Variants in STARD13 observed in about 807,000 individuals in gnomAD.
STARD13 encodes the protein stAR-related lipid transfer protein 13.
In STARD13, 62 loss-of-function variants were observed where a neutral mutation model predicts 106.4. The observed-to-expected ratio is 0.58, with a 90% confidence interval of 0.48 to 0.72. The LOEUF (loss-of-function observed/expected upper bound fraction) is 0.72, where lower values mean the gene tolerates loss of function less well. Among genes scored for constraint, STARD13 ranks in the 30% least tolerant of loss-of-function variants. STARD13 has a pLI of 0.00. For synonymous variants in STARD13, 565 were observed against 553.0 expected, an observed-to-expected ratio of 1.02 and a Z score of -0.31; for missense variants, 1,387 against 1,424.0, an observed-to-expected ratio of 0.97 and a Z score of 0.42.
At chr13:33,459,822 C>T in the STARD13 span, among the ~76,000 whole-genome samples, 1 of 151,978 alleles carries the variant, frequency 6.6e-6, no homozygotes, top group Non-Finnish European at 1.5e-5. Context: ...TATATTTTTT[C>T]TGGATATAGA....
the STARD13 span, among the ~76,000 whole-genome samples, chr13:33,545,012 A>G: frequency 2.0e-5 from 3 of 151,586 alleles, no homozygotes; most frequent in East Asian, 3.9e-4. Context: ...CTGGGGTGCA[A>G]TGGTGCGATC....
chr13:33,349,718 G>T lies in STARD13; in HGVS notation c.125-502C>A, dbSNP rs527242484. 3.5e-4 allele frequency among the ~76,000 whole-genome samples: 53 copies of T among 152,304 alleles called. 2 individuals carry two copies. In the South Asian group the frequency reaches 0.011, roughly 31 times the overall value. On this transcript the variant is annotated intron_variant, in intron 1 of 1. Transcript: ENST00000439831. ...GAAAGCCTGCTTTCACAGCTGGCAG[G>T]GCCTGCGGACAGCCAGCCAGCTACC... is the stretch of plus-strand genomic sequence containing the variant.
At chr13:33,674,062 G>A in the STARD13 span, among the ~76,000 whole-genome samples, 4 of 151,972 alleles carry the variant, frequency 2.6e-5, no homozygotes, top group Admixed American at 2.0e-4. Context: ...GTTTCACCAT[G>A]TTGGCCAGGC....
At chr13:33,128,607 G>A (rs975762984) in intron 5 of STARD13, among the ~76,000 whole-genome samples, 1 of 152,134 alleles carries the variant, frequency 6.6e-6, no homozygotes, top group African/African-American at 2.4e-5. Context: ...CGGTGCCTAG[G>A]AACTGGGTAT....
chr13:33,200,583 C>T (rs1184760476), intron 1 of STARD13, among the ~76,000 whole-genome samples: 1 of 152,196 alleles, frequency 6.6e-6, no homozygotes, highest in Non-Finnish European at 1.5e-5. Context: ...GGGGGACTTA[C>T]CCATATATGT....
chr13:33,439,822 T>C, the STARD13 span: 206,607 of 512,772 alleles, frequency 0.4, 43,094 homozygotes, highest in African/African-American at 0.66. Flanking sequence ...AAAATTAGAA[T>C]CAAATGGCCT....
chr13:33,481,242 AT>A, the STARD13 span, among the ~76,000 whole-genome samples: 2 of 152,222 alleles, frequency 1.3e-5, no homozygotes, highest in African/African-American at 4.8e-5. Flanking sequence ...TTAATAGAAT[AT>A]ACTAATGATT....
At chr13:33,523,812 T>A in the STARD13 span, among the ~76,000 whole-genome samples, 1 of 152,134 alleles carries the variant, frequency 6.6e-6, no homozygotes, top group Non-Finnish European at 1.5e-5. Context: ...GTTTTCTAGA[T>A]GTGATTCCCA....
intron 3 of STARD13, among the ~76,000 whole-genome samples, chr13:33,145,341 T>G (rs1880382667): frequency 1.3e-5 from 2 of 152,194 alleles, no homozygotes; most frequent in Admixed American, 6.5e-5. Flanking sequence ...GTAAAAACGC[T>G]GACAACATTA....
intron 1 of STARD13, among the ~76,000 whole-genome samples, chr13:33,228,318 T>C (rs1045524709): frequency 6.6e-6 from 1 of 152,206 alleles, no homozygotes; most frequent in African/African-American, 2.4e-5. Flanking sequence ...TTTTCAACTC[T>C]TTTGAGAAGA....
At position 33,218,508 on chromosome 13, in the gene STARD13, T is replaced by C. The variant is rs150204831; in HGVS notation, c.170-50886A>G. 1.3e-3 allele frequency among the ~76,000 whole-genome samples: 197 copies of C among 152,328 alleles called. 1 individual carries two copies. Among genetic ancestry groups the C allele is most frequent in the Non-Finnish European group, 2.2e-3 (148 of 68,040 alleles). On this transcript the variant is annotated intron_variant, in intron 1 of 13. Transcript: ENST00000336934. ...AGTCTCTCCTTCAGCCTCTTGAACC[T>C]GGTGCCATCTCTACTGAAGTGAATA...
At chr13:33,555,284 A>G in the STARD13 span, among the ~76,000 whole-genome samples, 3 of 152,272 alleles carry the variant, frequency 2.0e-5, no homozygotes, top group African/African-American at 7.2e-5. Context: ...CATGTCTGCT[A>G]TTTCTCTAAC....
At chr13:33,365,769 G>T in the STARD13 span, among the ~76,000 whole-genome samples, 1 of 152,104 alleles carries the variant, frequency 6.6e-6, no homozygotes, top group Admixed American at 6.5e-5. Context: ...AAAACATTTT[G>T]CTCGGATTGT....
At chr13:33,163,645 TATATATATAAAACATATATATATAAC>T (rs1566038621) in intron 3 of STARD13, among the ~76,000 whole-genome samples, 869 of 63,894 alleles carry the variant, frequency 0.014, 10 homozygotes, top group African/African-American at 0.028. Flanking sequence ...ATATAACATA[TATATATATAAAACATATATATATAAC>T]ATATATATAA....
intron 1 of STARD13, among the ~76,000 whole-genome samples, chr13:33,306,052 C>G (rs1236247497): frequency 1.8e-4 from 28 of 152,284 alleles, no homozygotes; most frequent in Non-Finnish European, 7.3e-5. Flanking sequence ...AAGCTGGAGA[C>G]AGCAAGCTAC....
chr13:33,337,448 T>A (rs181894793), intron 1 of STARD13, among the ~76,000 whole-genome samples: 1 of 152,336 alleles, frequency 6.6e-6, no homozygotes, highest in Admixed American at 6.5e-5. Flanking sequence ...CAATACTTTT[T>A]AAAAAACTAA....
At chr13:33,507,554 C>T in the STARD13 span, among the ~76,000 whole-genome samples, 1 of 152,014 alleles carries the variant, frequency 6.6e-6, no homozygotes, top group Non-Finnish European at 1.5e-5. Flanking sequence ...AGTGACTGTG[C>T]TATAGAAAGA....
the STARD13 span, among the ~76,000 whole-genome samples, chr13:33,434,352 CAAAAAAA>C: frequency 1.1e-4 from 8 of 70,324 alleles, no homozygotes; most frequent in African/African-American, 1.8e-4. Flanking sequence ...GACTCTGTCT[CAAAAAAA>C]AAAAAAAAAA....
At chr13:33,622,458 C>T in the STARD13 span, among the ~76,000 whole-genome samples, 248 of 150,906 alleles carry the variant, frequency 1.6e-3, 2 homozygotes, top group Non-Finnish European at 2.8e-4. Flanking sequence ...GCCAACATGT[C>T]GAAGCCCCGT....
Sources: allele counts gnomAD v4.1 joint callset (sites outside exome capture counted in the v4.1 genomes callset), GRCh38; gene constraint gnomAD v4.1.1; transcripts MANE v1.5; gene names NCBI Gene and HGNC (gene_info 2026-07-23, HGNC 2026-07-21).